The following PGBD5 variants were observed in gnomAD, a reference collection of about 807,000 sequenced individuals.
PGBD5 encodes the protein piggyBac transposable element derived 5, also known as piggyBac transposable element-derived protein 5.
Under a neutral mutation model 47.9 loss-of-function variants are expected in PGBD5, and 14 were observed. The ratio of observed to expected loss-of-function variants is 0.29; its 90% confidence interval spans 0.19 to 0.46. The LOEUF (loss-of-function observed/expected upper bound fraction) is 0.46. Ranked by LOEUF, PGBD5 falls within the 20% of genes least tolerant of loss-of-function variation. The probability of loss-of-function intolerance (pLI) is 1.00; values close to 1 mark genes in which losing one functional copy is unlikely to be tolerated. For missense variants in PGBD5, 635 were observed against 716.0 expected (o/e 0.89, Z 1.29); for synonymous variants, 316 against 306.3 (o/e 1.03, Z -0.33).
chr1:230,415,131 G>A (rs1025305427), intron 1 of PGBD5, among the ~76,000 whole-genome samples: 1 of 152,164 alleles, frequency 6.6e-6, no homozygotes, highest in Admixed American at 6.5e-5. Context: ...AGGTGGGCAT[G>A]GTGGCGCCTA....
intron 1 of PGBD5, among the ~76,000 whole-genome samples, chr1:230,401,251 A>G (rs1047350222): frequency 2.0e-5 from 3 of 152,206 alleles, no homozygotes; most frequent in African/African-American, 7.2e-5. Context: ...TCCTGGCTCC[A>G]CCCCTCACAT....
At chr1:230,381,815 T>C (rs1656502000) in intron 1 of PGBD5, among the ~76,000 whole-genome samples, 1 of 152,072 alleles carries the variant, frequency 6.6e-6, no homozygotes, top group South Asian at 2.1e-4. Flanking sequence ...CCTCATTTCC[T>C]TTCTTCCCTT....
At chr1:230,386,571 A>G (rs1656649565) in intron 1 of PGBD5, among the ~76,000 whole-genome samples, 1 of 152,162 alleles carries the variant, frequency 6.6e-6, no homozygotes, top group African/African-American at 2.4e-5. Context: ...GTCTTTATCA[A>G]TCTTTGACAG....
chr1:230,385,110 A>T (rs995872659), intron 1 of PGBD5, among the ~76,000 whole-genome samples: 1 of 151,968 alleles, frequency 6.6e-6, no homozygotes, highest in African/African-American at 2.4e-5. Context: ...TGATATATTC[A>T]CACCCAGCGT....
intron 1 of PGBD5, among the ~76,000 whole-genome samples, chr1:230,404,847 C>A (rs897402511): frequency 3.4e-5 from 5 of 148,814 alleles, no homozygotes; most frequent in African/African-American, 1.2e-4. Context: ...ATTGCTTGAA[C>A]CAGGGAGGCA....
At chr1:230,348,610 A>G (rs111356046) in intron 3 of PGBD5, among the ~76,000 whole-genome samples, 4 of 152,310 alleles carry the variant, frequency 2.6e-5, no homozygotes, top group African/African-American at 9.6e-5. Flanking sequence ...TGACCTTCAA[A>G]AGCTGTCAAA....
chr1:230,325,626 G>A (rs1185744266), intron 5 of PGBD5, among the ~76,000 whole-genome samples: 1 of 152,190 alleles, frequency 6.6e-6, no homozygotes, highest in East Asian at 1.9e-4. Context: ...TGAGTGCCAT[G>A]GTATGCGCTG....
At position 230,333,014 on chromosome 1, in the gene PGBD5, G is replaced by C. The variant is rs889200747; in HGVS notation, c.1103C>G (p.Ala368Gly). ...GAGGCCGGTGCAGTCACTCTTCCGC[G>C]CGCGGAGCAAGCCGCAGCAGTAAAT... is the stretch of plus-strand genomic sequence containing the variant. ...QGIYCCGLLRARKSDCTGLPL... is the reference protein window; with the variant it reads ...QGIYCCGLLRGRKSDCTGLPL... Residue 368 changes from alanine to glycine, a missense_variant, in exon 5 of 7, where the codon GCG (alanine) becomes GGG (glycine). Transcript: ENST00000391860. 5 of 1,606,546 alleles carry C rather than the reference G, an allele frequency of 3.1e-6. No individual in the cohort carries two copies. The highest frequency in any genetic ancestry group is 4.2e-6 in the Non-Finnish European group (5 of 1,176,762).
intron 1 of PGBD5, among the ~76,000 whole-genome samples, chr1:230,401,728 A>G (rs747018909): frequency 7.2e-5 from 11 of 152,198 alleles, no homozygotes; most frequent in Non-Finnish European, 1.6e-4. Context: ...CTCCGGCCAC[A>G]TTCGCTGACC....
At chr1:230,354,285 G>A (rs1667602246) in intron 2 of PGBD5, among the ~76,000 whole-genome samples, 1 of 152,180 alleles carries the variant, frequency 6.6e-6, no homozygotes. Flanking sequence ...CATGCCCCAG[G>A]CTGTATGATG....
intron 1 of PGBD5, among the ~76,000 whole-genome samples, chr1:230,370,716 T>C (rs1667915419): frequency 6.6e-6 from 1 of 152,216 alleles, no homozygotes; most frequent in Non-Finnish European, 1.5e-5. Flanking sequence ...GTCTCTGCCC[T>C]TGACCACCAC....
intron 3 of PGBD5, among the ~76,000 whole-genome samples, chr1:230,338,488 C>T (rs1400308077): frequency 2.0e-5 from 3 of 152,220 alleles, no homozygotes. Flanking sequence ...TGCCACATGA[C>T]CTCTTCCATT....
At chr1:230,410,405 T>C (rs1346770736) in intron 1 of PGBD5, among the ~76,000 whole-genome samples, 1 of 152,204 alleles carries the variant, frequency 6.6e-6, no homozygotes, top group East Asian at 1.9e-4. Context: ...CTTACACCTA[T>C]GCCACATTTT....
intron 1 of PGBD5, among the ~76,000 whole-genome samples, chr1:230,371,935 C>A (rs1667935439): frequency 6.6e-6 from 1 of 152,118 alleles, no homozygotes. Flanking sequence ...GCTACCTAAG[C>A]CCAGAGGATG....
At chr1:230,414,050 C>T (rs932495487) in intron 1 of PGBD5, among the ~76,000 whole-genome samples, 1 of 152,174 alleles carries the variant, frequency 6.6e-6, no homozygotes, top group Non-Finnish European at 1.5e-5. Context: ...CGCTGGCACA[C>T]CCCAAGGTGC....
intron 1 of PGBD5, among the ~76,000 whole-genome samples, chr1:230,383,856 C>T (rs1490664441): frequency 6.6e-6 from 1 of 152,192 alleles, no homozygotes. Flanking sequence ...TGTGCTGATG[C>T]CTTTGGACAA....
At chr1:230,416,384 G>A (rs190367558) in intron 1 of PGBD5, among the ~76,000 whole-genome samples, 32 of 152,206 alleles carry the variant, frequency 2.1e-4, no homozygotes, top group African/African-American at 6.7e-4. Context: ...CTACTTCTGC[G>A]TCCATCTATT....
chr1:230,380,495 G>A (rs921282337), intron 1 of PGBD5, among the ~76,000 whole-genome samples: 2 of 152,142 alleles, frequency 1.3e-5, no homozygotes, highest in Non-Finnish European at 2.9e-5. Context: ...CACCACTACC[G>A]TCTTGGGCAG....
chr1:230,351,627 G>T (rs955435107), intron 2 of PGBD5, among the ~76,000 whole-genome samples: 7 of 151,840 alleles, frequency 4.6e-5, no homozygotes, highest in Non-Finnish European at 1.0e-4. Flanking sequence ...TATTTTTTTT[G>T]GATTTTCAAG....
Sources: allele counts gnomAD v4.1 joint callset (sites outside exome capture counted in the v4.1 genomes callset), GRCh38; gene constraint gnomAD v4.1.1; transcripts MANE v1.5; gene names NCBI Gene and HGNC (gene_info 2026-07-23, HGNC 2026-07-21).